The following WFS1 variants were observed in gnomAD, a reference collection of about 807,000 sequenced individuals.
WFS1 encodes the protein wolframin ER transmembrane glycoprotein, also known as wolframin.
WFS1 carries 90 observed loss-of-function variants against 68.5 expected under a neutral mutation model. The ratio of observed to expected loss-of-function variants is 1.31; its 90% CI spans 1.11 to 1.56. WFS1 has a LOEUF of 1.56. WFS1 is among the 40% of genes most tolerant of loss of function. The probability of loss-of-function intolerance (pLI) is 0.00; values close to 1 mark genes in which losing one functional copy is unlikely to be tolerated. For synonymous variants in WFS1, 860 were observed against 540.7 expected, an observed-to-expected ratio of 1.59 and a Z score of -8.19; for missense variants, 1,767 against 1,232.6, an observed-to-expected ratio of 1.43 and a Z score of -6.49.
chr4:6,277,585 C>T lies in WFS1; in HGVS notation c.130C>T (p.Pro44Ser), dbSNP rs766861457. 1 of 1,582,304 alleles carries T rather than the reference C, an allele frequency of 6.3e-7. No homozygotes were observed. The highest frequency in any genetic ancestry group is 8.6e-7 in the Non-Finnish European group (1 of 1,164,576). The change falls in exon 2 of 8, where the codon CCC becomes TCC. Residue 44 changes from proline (P) to serine (S), a missense_variant. Transcript: ENST00000226760. ...GGAGAGGAGCGAAAGGCCCCGAGCA[C>T]CCGGACCCCAGGCTGGCCCTGGCCC... is the stretch of plus-strand genomic sequence containing the variant. ...EQERSERPRA[P>S]GPQAGPGPGV...
chr4:6,284,297 C>T lies in WFS1; in HGVS notation c.233-2796C>T, dbSNP rs915766960. On this transcript the variant is annotated intron_variant, in intron 2 of 7. Coordinates refer to ENST00000226760, the MANE Select transcript of WFS1 (RefSeq NM_006005.3). Reference sequence around the variant, plus strand: ...CTGAGGCAGAAGAATCGCTTGAACCCGAGAGGCAGAGGTTGTGGCGAGCCG... The same window carrying T: ...CTGAGGCAGAAGAATCGCTTGAACCTGAGAGGCAGAGGTTGTGGCGAGCCG... Among the ~76,000 whole-genome samples, 11 of 152,194 alleles carry T rather than the reference C, an allele frequency of 7.2e-5. No individual in the cohort carries two copies. In the South Asian group the frequency reaches 1.5e-3, roughly 20 times the overall value.
chr4:6,299,736 A>G (rs1423093797), intron 7 of WFS1, among the ~76,000 whole-genome samples: 3 of 29,914 alleles, frequency 1.0e-4, no homozygotes, highest in Admixed American at 4.5e-4. Flanking sequence ...GAATGCGGGT[A>G]GGTTGCGTGT....
Position 6,300,646 on chromosome 4 carries a change from CT to C in WFS1, c.862-8del. 1 of 1,613,868 alleles carries C rather than the reference CT, an allele frequency of 6.2e-7. No individual in the cohort carries two copies. The highest frequency in any genetic ancestry group is 8.5e-7 in the Non-Finnish European group (1 of 1,179,892). On this transcript the variant is annotated splice_polypyrimidine_tract_variant and intron_variant, in intron 7 of 7. Coordinates refer to ENST00000226760, the MANE Select transcript of WFS1 (RefSeq NM_006005.3). The stretch of plus-strand genomic sequence containing the variant: ...TCCCAGCCTCGTTCCCACGTACCAT[CT>C]TTCCCCCAGGTGGTCAAGTACCCCC...
rs1350620234 is a variant in WFS1, at chr4:6,287,138, A to G, written c.278A>G (p.Glu93Gly). ...DMEIPFEEVL[E>G]RAKAGDPKAQ... ...GAAATCCCCTTTGAAGAAGTCCTGG[A>G]GAGGGCCAAGGCCGGGGACCCCAAG... Residue 93 changes from glutamate (E) to glycine (G), a missense_variant, in exon 3 of 8, where the codon GAG (glutamate) becomes GGG (glycine). Physicochemically the swap from Glu to Gly is moderately conservative, Grantham distance 98. Transcript: ENST00000226760. The surrounding 1 kb of genome is among the most constrained non-coding windows in gnomAD (Gnocchi z 6.4). 1 of 1,561,628 alleles carries G rather than the reference A, an allele frequency of 6.4e-7. No individual in the cohort carries two copies. The highest frequency in any genetic ancestry group is 1.9e-5 in the Admixed American group (1 of 51,414).
At chr4:6,278,819 G>A (rs1414553870) in intron 2 of WFS1, among the ~76,000 whole-genome samples, 1 of 152,254 alleles carries the variant, frequency 6.6e-6, no homozygotes, top group Non-Finnish European at 1.5e-5. Context: ...AGGCCTCTGG[G>A]CGGATGAGGG....
At chr4:6,296,961 C>CT (rs1730654424) in intron 7 of WFS1, among the ~76,000 whole-genome samples, 1 of 152,206 alleles carries the variant, frequency 6.6e-6, no homozygotes, top group Non-Finnish European at 1.5e-5. Context: ...AATAGCTGGA[C>CT]TACAGGCATG....
Position 6,302,022 on chromosome 4 carries a change from A to G in WFS1, c.2227A>G (p.Ser743Gly). 2 of 1,612,790 alleles carry G rather than the reference A, an allele frequency of 1.2e-6. No homozygotes were observed. The highest frequency in any genetic ancestry group is 1.7e-6 in the Non-Finnish European group (2 of 1,179,928). ...CTACGGCGAGGCCTACCCTGCCTGC[A>G]GCCCTGGCAACACCTCCACGGCCGA... Reference protein sequence around the residue: ...CLYGEAYPACSPGNTSTAEEE... With the variant: ...CLYGEAYPACGPGNTSTAEEE... Residue 743 changes from serine to glycine, a missense_variant, in exon 8 of 8, where the codon AGC becomes GGC. Physicochemically the swap from Ser to Gly is moderately conservative, Grantham distance 56 (BLOSUM62 0). Coordinates refer to ENST00000226760, the MANE Select transcript of WFS1 (RefSeq NM_006005.3).
intron 7 of WFS1, among the ~76,000 whole-genome samples, chr4:6,297,195 C>G (rs1394689755): frequency 6.6e-6 from 1 of 152,176 alleles, no homozygotes; most frequent in Non-Finnish European, 1.5e-5. Context: ...CTCTGTTTCC[C>G]TTTAGTTTTG....
rs774905243 is a variant in WFS1 at position 6,302,014 on chromosome 4, C to A, written c.2219C>A (p.Pro740His). 1.2e-6 allele frequency: 2 copies of A among 1,612,744 alleles called. No homozygotes were observed. Among genetic ancestry groups the A allele is most frequent in the Non-Finnish European group, 1.7e-6 (2 of 1,179,908 alleles). The change falls in exon 8 of 8, where the codon CCT (proline) becomes CAT (histidine). Residue 740 changes from proline to histidine, a missense_variant. Physicochemically the swap from Pro to His is moderately conservative, Grantham distance 77. Transcript: ENST00000226760. Reference protein sequence around the residue: ...WMRCLYGEAYPACSPGNTSTA... With the variant: ...WMRCLYGEAYHACSPGNTSTA... ...CGCTGCCTCTACGGCGAGGCCTACC[C>A]TGCCTGCAGCCCTGGCAACACCTCC...
intron 2 of WFS1, among the ~76,000 whole-genome samples, chr4:6,282,201 C>T (rs145543569): frequency 3.3e-5 from 5 of 152,234 alleles, no homozygotes; most frequent in African/African-American, 1.2e-4. Context: ...GGGCTGAGGA[C>T]CATTCAGCCT....
At position 6,293,557 on chromosome 4, in the gene WFS1, T is replaced by C. The variant is rs147729789; in HGVS notation, c.713-1484T>C. Among the ~76,000 whole-genome samples, 986 of 152,268 alleles carry C rather than the reference T, an allele frequency of 6.5e-3. 7 individuals carry two copies. The highest frequency in any genetic ancestry group is 0.014 in the Middle Eastern group (4 of 294). On this transcript the variant is annotated intron_variant, in intron 6 of 7. Coordinates refer to ENST00000226760, the MANE Select transcript of WFS1 (RefSeq NM_006005.3). ...CCCTTGCTCAGTCACTTCTTGTCCT[T>C]GTCTGACTTGATCTGTCAGCAGCGT...
chr4:6,295,669 C>T (rs1730618866), intron 7 of WFS1, among the ~76,000 whole-genome samples: 1 of 152,186 alleles, frequency 6.6e-6, no homozygotes, highest in Admixed American at 6.5e-5. Flanking sequence ...GCTCAGGGAG[C>T]GAGGCCAGTG....
intron 6 of WFS1, among the ~76,000 whole-genome samples, chr4:6,294,238 C>T (rs984704013): frequency 6.6e-6 from 1 of 152,160 alleles, no homozygotes; most frequent in East Asian, 1.9e-4. Flanking sequence ...CATCTCACCA[C>T]GGCAACTGGG....
At chr4:6,292,058 T>C (rs1333731475) in intron 6 of WFS1, 61 bp downstream of exon 6, 11 of 1,503,176 alleles carry the variant, frequency 7.3e-6, no homozygotes, top group Non-Finnish European at 9.0e-6. Context: ...CAGGGCGACC[T>C]CTCCTTCCTG....
rs1491443946 is a variant in WFS1 at position 6,299,600 on chromosome 4, T to TTG, written c.862-1056_862-1055insGT. On this transcript the variant is annotated intron_variant, in intron 7 of 7. Coordinates refer to ENST00000226760, the MANE Select transcript of WFS1 (RefSeq NM_006005.3). ...GTGTGAATGTGTGTGTAGGGGTGGG[T>TTG]TTGAATGCAGGTAGGTTGCGTGTGT... Among the ~76,000 whole-genome samples, 10 of 53,288 alleles carry TTG rather than the reference T, an allele frequency of 1.9e-4. 2 individuals are homozygous for TTG. In the South Asian group the frequency reaches 0.01, roughly 54 times the overall value. The allele number at this position is 53,288 out of a possible 152,430, so 35.0% of individuals were successfully genotyped here. A position where few individuals can be genotyped will look rare whatever the true frequency, so the allele number is the denominator to read the frequency against.
intron 6 of WFS1, 46 bp downstream of exon 6, chr4:6,292,043 A>C (rs1198007623): frequency 6.5e-7 from 1 of 1,541,462 alleles, no homozygotes; most frequent in Admixed American, 1.9e-5. Context: ...CCCAGCCTGC[A>C]CCTGCAGGGC....
rs1371660563 is a variant in WFS1, at chr4:6,301,530, C to A, written c.1735C>A (p.Leu579Met). The A allele has an allele frequency of 6.2e-7, 1 of 1,613,958 alleles. No homozygotes were observed. The highest frequency in any genetic ancestry group is 1.1e-5 in the South Asian group (1 of 91,088). ...CCCCATCCTGGTGGCCGGCCTGGCC[C>A]TGGTGGGCGTGCTGCAGTTCGCCCG... is the stretch of plus-strand genomic sequence containing the variant. The part of the protein sequence containing the change: ...ALPILVAGLA[L>M]VGVLQFARWF... The change falls in exon 8 of 8, where the codon CTG becomes ATG. Residue 579 changes from leucine to methionine, a missense_variant. By Grantham distance (15) the Leu-to-Met change is conservative. Transcript: ENST00000226760.
rs1055393876 is a variant in WFS1, at chr4:6,301,781, C to T, written c.1986C>T (p.Ser662=). 7 of 1,613,438 alleles carry T rather than the reference C, an allele frequency of 4.3e-6. No individual in the cohort carries two copies. The highest frequency in any genetic ancestry group is 5.9e-6 in the Non-Finnish European group (7 of 1,180,040). The stretch of plus-strand genomic sequence containing the variant: ...CAGAGGGCATGAAGGTCTACAACTC[C>T]ACACTGACCTGGCAGCAGTATGGTG... ...YRSEGMKVYN[S]TLTWQQYGAL... is the part of the protein sequence containing the mutation. The change falls in exon 8 of 8, where the codon TCC becomes TCT. Residue 662 remains serine (S), a synonymous_variant. Transcript: ENST00000226760.
chr4:6,278,746 C>T (rs1401205954), intron 2 of WFS1, among the ~76,000 whole-genome samples: 1 of 152,214 alleles, frequency 6.6e-6, no homozygotes, highest in African/African-American at 2.4e-5. Flanking sequence ...TCACTGCAGC[C>T]CTGGGCCCTG....
Sources: allele counts gnomAD v4.1 joint callset (sites outside exome capture counted in the v4.1 genomes callset), GRCh38; gene constraint gnomAD v4.1.1; non-coding constraint Gnocchi (gnomAD v3.1); transcripts MANE v1.5; gene names NCBI Gene and HGNC (gene_info 2026-07-23, HGNC 2026-07-21).